Variants in GCN1 observed in about 807,000 individuals in gnomAD.
GCN1 encodes the protein GCN1 activator of EIF2AK4.
Under a neutral mutation model 288.4 loss-of-function variants are expected in GCN1, and 90 were observed. That is an observed-to-expected ratio of 0.31 (90% CI 0.26 to 0.37). GCN1 has a LOEUF of 0.37. Ranked by LOEUF, GCN1 falls within the 10% of genes least tolerant of loss-of-function variation. GCN1 has a pLI of 1.00. For synonymous variants in GCN1, 1,386 were observed against 1,420.2 expected, an observed-to-expected ratio of 0.98 and a Z score of 0.54; for missense variants, 2,586 against 3,419.9, an observed-to-expected ratio of 0.76 and a Z score of 6.08.
intron 38 of GCN1, among the ~76,000 whole-genome samples, chr12:120,146,005 G>A (rs1000785945): frequency 1.5e-4 from 23 of 152,024 alleles, no homozygotes; most frequent in South Asian, 2.1e-4. Context: ...GGTGGTTCAC[G>A]CCTATAATTC....
In GCN1 at chr12:120,183,591, T is replaced by C; in HGVS notation, c.404A>G (p.Gln135Arg). The change falls in exon 5 of 58, where the codon CAA (glutamine) becomes CGA (arginine). Residue 135 changes from glutamine (Q) to arginine (R), a missense_variant. This residue lies in a region of GCN1 where 913 missense variants were observed against 1,107.0 expected (regional missense o/e 0.82). Coordinates refer to ENST00000300648, the MANE Select transcript of GCN1 (RefSeq NM_006836.2). ...RIVFPSRAKR[Q>R]GDIWNKLVEV... ...TACCAGTTTGTTCCAGATGTCTCCTTGTCGCTTGGCTCTCGATGGAAAGAC... is the reference window on the plus strand; with the variant it reads ...TACCAGTTTGTTCCAGATGTCTCCTCGTCGCTTGGCTCTCGATGGAAAGAC... 1 of 1,611,430 alleles carries C rather than the reference T, an allele frequency of 6.2e-7. No homozygotes were observed. The highest frequency in any genetic ancestry group is 8.5e-7 in the Non-Finnish European group (1 of 1,177,548).
In GCN1 at chr12:120,155,676, T is replaced by G; in HGVS notation, c.3356A>C (p.Asp1119Ala). The G allele has an allele frequency of 1.2e-6, 2 of 1,613,948 alleles. No homozygotes were observed. The highest frequency in any genetic ancestry group is 1.7e-6 in the Non-Finnish European group (2 of 1,179,894). Reference sequence around the variant, plus strand: ...CAGAAGGTTCAGGCCATTCTTCTCATCAGTATCAGGTGCTGGCAATACCAT... The same window carrying G: ...CAGAAGGTTCAGGCCATTCTTCTCAGCAGTATCAGGTGCTGGCAATACCAT... ...LHMVLPAPDT[D>A]EKNGLNLLRR... The change falls in exon 29 of 58, where the codon GAT becomes GCT. Residue 1119 changes from aspartate to alanine, a missense_variant. By Grantham distance (126) the Asp-to-Ala change is moderately radical. Coordinates refer to ENST00000300648, the MANE Select transcript of GCN1 (RefSeq NM_006836.2). This position sits in a 1 kb window ranked among gnomAD's most constrained non-coding sequence, Gnocchi z 4.9.
At chr12:120,136,854 G>T in intron 50 of GCN1, 122 bp from the exon 51 acceptor site, 1 of 710,512 alleles carries the variant, frequency 1.4e-6, no homozygotes, top group Non-Finnish European at 2.4e-6. Flanking sequence ...TATTGATTTG[G>T]GCTGAATCTC....
At position 120,130,742 on chromosome 12, in the gene GCN1, C is replaced by T. The variant is rs372927556; in HGVS notation, c.7575G>A (p.Ala2525=). 18 of 1,610,592 alleles carry T rather than the reference C, an allele frequency of 1.1e-5. No individual in the cohort carries two copies. Among genetic ancestry groups the T allele is most frequent in the Admixed American group, 5.0e-5 (3 of 60,020 alleles). Residue 2525 remains alanine, a synonymous_variant, in exon 56 of 58, where the codon GCG becomes GCA. Transcript: ENST00000300648. ...SSATADRIPI[A]VSGVRGMGFL... ...AGCCCATGCCCCGGACCCCGCTCAC[C>T]GCAATGGGGATCTGTGGAGAACAGA...
In GCN1 at chr12:120,184,072, C is replaced by G. The variant is rs751624096; in HGVS notation, c.317+40G>C. On this transcript the variant is annotated intron_variant, in intron 4 of 57. Coordinates refer to ENST00000300648, the MANE Select transcript of GCN1 (RefSeq NM_006836.2). ...CTGCATCAGCTTCTCCTGAGCAGGA[C>G]TGTACCAATTCTCAGGGGGCCACAA... 4 of 1,581,676 alleles carry G rather than the reference C, an allele frequency of 2.5e-6. No individual in the cohort carries two copies. The African/African-American group carries it at 5.4e-5, about 21-fold the overall frequency.
chr12:120,184,799 T>G (rs1486030870), intron 3 of GCN1, 25 bp downstream of exon 3: 4 of 1,560,610 alleles, frequency 2.6e-6, no homozygotes, highest in Non-Finnish European at 2.6e-6. Context: ...GTGCTCCACA[T>G]ATGGGGCCTT....
In GCN1 at chr12:120,142,685, C is replaced by T. The variant is rs201630121; in HGVS notation, c.5651G>A (p.Arg1884Gln). Residue 1884 changes from arginine (R) to glutamine (Q), a missense_variant, in exon 44 of 58, where the codon CGG becomes CAG. This residue lies in a region of GCN1 where 437 missense variants were observed against 570.5 expected (regional missense o/e 0.77). Coordinates refer to ENST00000300648, the MANE Select transcript of GCN1 (RefSeq NM_006836.2). This position sits in a 1 kb window ranked among gnomAD's most constrained non-coding sequence, Gnocchi z 4.9. Reference protein sequence around the residue: ...ITALGVERRNRVLAGLYMGRS... With the variant: ...ITALGVERRNQVLAGLYMGRS... ...GCCCATGTACAGCCCTGCCAACACC[C>T]GGTTCCGCCGCTCTACCCCCAGGGC... The T allele has an allele frequency of 9.3e-6, 15 of 1,613,946 alleles. No individual in the cohort carries two copies. The highest frequency in any genetic ancestry group is 8.0e-5 in the African/African-American group (6 of 74,936).
intron 14 of GCN1, among the ~76,000 whole-genome samples, chr12:120,170,543 T>C (rs1480108418): frequency 1.3e-5 from 2 of 152,168 alleles, no homozygotes; most frequent in African/African-American, 4.8e-5. Context: ...GTGCGGTAGC[T>C]CACGTCTGTA....
intron 24 of GCN1, among the ~76,000 whole-genome samples, chr12:120,159,093 G>C (rs1005208999): frequency 6.6e-6 from 1 of 152,144 alleles, no homozygotes; most frequent in Non-Finnish European, 1.5e-5. Context: ...CAGCCTCAGA[G>C]GGCAGGTAGG....
In GCN1 at chr12:120,148,196, C is replaced by A; in HGVS notation, c.4697G>T (p.Gly1566Val). Residue 1566 changes from glycine (G) to valine (V), a missense_variant, in exon 37 of 58, where the codon GGC (glycine) becomes GTC (valine). Coordinates refer to ENST00000300648, the MANE Select transcript of GCN1 (RefSeq NM_006836.2). ...KAGQQALRQI[G>V]SVIRNPEILA... ...GATCTCCGGGTTCCTGATAACGGAG[C>A]CGATCTGCCTGAGCGCCTGCTGTCC... is the stretch of plus-strand genomic sequence containing the variant. The A allele has an allele frequency of 6.2e-7, 1 of 1,613,578 alleles. No homozygotes were observed. Among genetic ancestry groups the A allele is most frequent in the Non-Finnish European group, 8.5e-7 (1 of 1,179,756 alleles).
At chr12:120,149,861 C>T in intron 35 of GCN1, 61 bp downstream of exon 35, 1 of 1,606,614 alleles carries the variant, frequency 6.2e-7, no homozygotes, top group South Asian at 1.1e-5. Context: ...CCTGCAGACA[C>T]AGCTGGGAAC....
In GCN1 at chr12:120,153,824, C is replaced by A. The variant is rs1318088732; in HGVS notation, c.3787G>T (p.Asp1263Tyr). ...VKPLFQFFVP[D>Y]ALNDRHPDVR... ...TCTGGGTGTCGGTCATTGAGGGCAT[C>A]AGGGACAAAAAACTGAAAGAGTGGC... The change falls in exon 32 of 58, where the codon GAT becomes TAT. Residue 1263 changes from aspartate to tyrosine, a missense_variant. Physicochemically the swap from Asp to Tyr is radical, Grantham distance 160. This residue lies in a region of GCN1 where 332 missense variants were observed against 403.0 expected (regional missense o/e 0.82). Coordinates refer to ENST00000300648, the MANE Select transcript of GCN1 (RefSeq NM_006836.2). This position sits in a 1 kb window ranked among gnomAD's most constrained non-coding sequence, Gnocchi z 4.4. 6.2e-7 allele frequency: 1 copy of A among 1,614,098 alleles called. No individual in the cohort carries two copies. Among genetic ancestry groups the A allele is most frequent in the Admixed American group, 1.7e-5 (1 of 60,020 alleles).
intron 24 of GCN1, among the ~76,000 whole-genome samples, chr12:120,159,030 C>A (rs916395381): frequency 6.6e-6 from 1 of 150,882 alleles, no homozygotes; most frequent in Non-Finnish European, 1.5e-5. Context: ...AAAAAAAAAT[C>A]TTTCTGCTTC....
chr12:120,175,401 CA>C (rs1414541599), intron 11 of GCN1, among the ~76,000 whole-genome samples, 189 bp from the exon 12 acceptor site: 1 of 152,126 alleles, frequency 6.6e-6, no homozygotes, highest in Non-Finnish European at 1.5e-5. Context: ...AATGTTCCTA[CA>C]AAAAACTTGA....
intron 45 of GCN1, among the ~76,000 whole-genome samples, chr12:120,139,303 G>A (rs1291805006): frequency 1.3e-5 from 2 of 151,104 alleles, no homozygotes; most frequent in Non-Finnish European, 2.9e-5. Flanking sequence ...GAGTGAGATT[G>A]TCTTAAACTA....
Position 120,134,240 on chromosome 12 carries a change from G to GGTT in GCN1, c.7317+50_7317+51insAAC. ...AGTGAAGAACTCAACCTAAGGAGGAGGAGGGAAACCAGTGGTCCAGTGCTG... is the reference window on the plus strand; with the variant it reads ...AGTGAAGAACTCAACCTAAGGAGGAGGTTGAGGGAAACCAGTGGTCCAGTGCTG... On this transcript the variant is annotated intron_variant, in intron 53 of 57. Coordinates refer to ENST00000300648, the MANE Select transcript of GCN1 (RefSeq NM_006836.2). The surrounding 1 kb of genome is among the most constrained non-coding windows in gnomAD (Gnocchi z 5.0). The GGTT allele has an allele frequency of 8.2e-7, 1 of 1,223,548 alleles. No individual in the cohort carries two copies. Among genetic ancestry groups the GGTT allele is most frequent in the Non-Finnish European group, 1.2e-6 (1 of 826,076 alleles). The allele number at this position is 1,223,548 out of a possible 1,614,324, so 75.8% of individuals were successfully genotyped here. A position where few individuals can be genotyped will look rare whatever the true frequency, so the allele number is the denominator to read the frequency against.
Position 120,153,243 on chromosome 12 carries a change from G to A in GCN1, c.4032C>T (p.Leu1344=). 6 of 1,614,208 alleles carry A rather than the reference G, an allele frequency of 3.7e-6. No homozygotes were observed. Among genetic ancestry groups the A allele is most frequent in the Non-Finnish European group, 4.2e-6 (5 of 1,180,040 alleles). The part of the protein sequence containing the change: ...DPKVKPIVAK[L]IAALSTPSQQ... The stretch of plus-strand genomic sequence containing the variant: ...GGGAGGGGGTGGAGAGGGCAGCGAT[G>A]AGCTTGGCAACAATGGGCTTCACTT... The change falls in exon 33 of 58, where the codon CTC becomes CTT. Residue 1344 remains leucine (L), a synonymous_variant. Transcript: ENST00000300648. The surrounding 1 kb of genome is among the most constrained non-coding windows in gnomAD (Gnocchi z 4.4).
At chr12:120,187,407 G>T (rs1427168028) in intron 2 of GCN1, among the ~76,000 whole-genome samples, 1 of 151,822 alleles carries the variant, frequency 6.6e-6, no homozygotes, top group East Asian at 1.9e-4. Flanking sequence ...GTTGACACGG[G>T]GTTTCACCAT....
chr12:120,164,042 A>G (rs1028273165), intron 18 of GCN1, among the ~76,000 whole-genome samples: 8 of 152,226 alleles, frequency 5.3e-5, no homozygotes, highest in African/African-American at 1.9e-4. Flanking sequence ...CTGAGGTGGA[A>G]GGATCGCTCA....
Sources: allele counts gnomAD v4.1 joint callset (sites outside exome capture counted in the v4.1 genomes callset), GRCh38; gene constraint gnomAD v4.1.1; regional missense constraint gnomAD v4.1.1; non-coding constraint Gnocchi (gnomAD v3.1); transcripts MANE v1.5; gene names NCBI Gene and HGNC (gene_info 2026-07-23, HGNC 2026-07-21).